The following UGT1A3 variants were observed in gnomAD, a reference collection of about 807,000 sequenced individuals.
UGT1A3 encodes the protein UDP glucuronosyltransferase family 1 member A3.
In UGT1A3, 31 loss-of-function variants were observed where a neutral mutation model predicts 41.0. The observed-to-expected ratio is 0.76, with a 90% CI of 0.57 to 1.02. The LOEUF (loss-of-function observed/expected upper bound fraction) is 1.02, where lower values mean the gene tolerates loss of function less well. UGT1A3 is among the 50% of genes least tolerant of loss of function. The pLI is 0.00. For missense variants in UGT1A3, 737 were observed against 671.0 expected, an observed-to-expected ratio of 1.10 and a Z score of -1.09; for synonymous variants, 262 against 257.6, an observed-to-expected ratio of 1.02 and a Z score of -0.17.
In UGT1A3 at chr2:233,729,551, A is replaced by C. The variant is rs749535297; in HGVS notation, c.425A>C (p.Asn142Thr). Residue 142 changes from asparagine (N) to threonine (T), a missense_variant, in exon 1 of 5, where the codon AAT becomes ACT. Transcript: ENST00000482026. ...LHNEALIRHLNATSFDVVLTD... is the reference protein window; with the variant it reads ...LHNEALIRHLTATSFDVVLTD... ...AATGAGGCCCTGATCAGGCACCTGA[A>C]TGCTACTTCCTTTGATGTGGTTTTA... The C allele has an allele frequency of 3.1e-6, 5 of 1,614,156 alleles. No homozygotes were observed. The highest frequency in any genetic ancestry group is 3.4e-6 in the Non-Finnish European group (4 of 1,180,014).
intron 1 of UGT1A3, 36 bp downstream of exon 1, chr2:233,730,029 G>A: frequency 6.2e-7 from 1 of 1,613,388 alleles, no homozygotes. Context: ...CAATGTTCCA[G>A]GCAAAACACT....
At chr2:233,744,417 G>C (rs1328403713) in intron 1 of UGT1A3, among the ~76,000 whole-genome samples, 1 of 151,850 alleles carries the variant, frequency 6.6e-6, no homozygotes, top group Non-Finnish European at 1.5e-5. Flanking sequence ...TTTTGTTCAT[G>C]TGGATTATAT....
intron 3 of UGT1A3, 123 bp downstream of exon 3, chr2:233,768,059 T>G: frequency 3.1e-6 from 5 of 1,601,374 alleles, no homozygotes; most frequent in Non-Finnish European, 4.3e-6. Flanking sequence ...CCTACATTGC[T>G]TTTTATCTAG....
rs199947040 is a variant in UGT1A3 at position 233,743,509 on chromosome 2, G to A, written c.867+13516G>A. On this transcript the variant is annotated intron_variant, in intron 1 of 4. Transcript: ENST00000482026. ...GAAGGCAGAGAAAAGGGGTGCAGAC[G>A]CTCTGCTTCTGCTTCCCCAGCAGTT... 3.6e-5 allele frequency: 49 copies of A among 1,367,172 alleles called. 1 individual carries two copies. The South Asian group carries it at 4.7e-4, about 13-fold the overall frequency. The allele number at this position is 1,367,172 out of a possible 1,614,324, so 84.7% of individuals were successfully genotyped here.
At chr2:233,762,431 A>G (rs1698072328) in intron 1 of UGT1A3, among the ~76,000 whole-genome samples, 1 of 152,242 alleles carries the variant, frequency 6.6e-6, no homozygotes, top group Non-Finnish European at 1.5e-5. Context: ...ATAGAGTAAC[A>G]GTGTATTCCC....
Position 233,768,377 on chromosome 2 carries a change from T to A in UGT1A3, c.1245T>A (p.Asn415Lys), listed in dbSNP as rs763012065. The change falls in exon 4 of 5, where the codon AAT (asparagine) becomes AAA (lysine). Residue 415 changes from asparagine (N) to lysine (K), a missense_variant. Asn to Lys is a moderately conservative substitution (Grantham distance 94). Transcript: ENST00000482026. The part of the protein sequence containing the change: ...METKGAGVTL[N>K]VLEMTSEDLE... ...CTAAGGGAGCTGGAGTGACCCTGAA[T>A]GTTCTGGAAATGACTTCTGAAGATT... 1 of 1,614,172 alleles carries A rather than the reference T, an allele frequency of 6.2e-7. No individual in the cohort carries two copies. The highest frequency in any genetic ancestry group is 8.5e-7 in the Non-Finnish European group (1 of 1,180,050).
rs944391861 is a variant in UGT1A3, at chr2:233,772,995, T to C, written c.*436T>C. ...ACCAATAATGGTCAGTCCTCATCTC[T>C]GTCGTGCTTCATAGGTGCCACCTTG... On this transcript the variant is annotated 3_prime_UTR_variant, in exon 5 of 5. Transcript: ENST00000482026. The C allele has an allele frequency of 2.4e-5, 6 of 254,024 alleles. No individual in the cohort carries two copies. The highest frequency in any genetic ancestry group is 1.4e-4 in the African/African-American group (6 of 44,320). The allele number at this position is 254,024 out of a possible 1,614,324, so 15.7% of individuals were successfully genotyped here.
intron 1 of UGT1A3, among the ~76,000 whole-genome samples, chr2:233,752,728 G>C (rs546811491): frequency 1.3e-5 from 2 of 152,320 alleles, no homozygotes; most frequent in South Asian, 4.1e-4. Flanking sequence ...AACAGCTACA[G>C]AGAGAGACCC....
At chr2:233,747,277 G>A (rs1044373750) in intron 1 of UGT1A3, 304 of 1,599,338 alleles carry the variant, frequency 1.9e-4, no homozygotes, top group Non-Finnish European at 2.4e-4. Context: ...CCTTCTCAGT[G>A]CCCAGCCCTG....
chr2:233,730,100 C>A, intron 1 of UGT1A3, 107 bp downstream of exon 1: 1 of 1,582,980 alleles, frequency 6.3e-7, no homozygotes, highest in Non-Finnish European at 8.6e-7. Flanking sequence ...CCAAATATTT[C>A]ATTTCTGCTT....
chr2:233,757,537 T>TATATATACATATACATATAC (rs1472416448), intron 1 of UGT1A3, among the ~76,000 whole-genome samples: 1 of 107,778 alleles, frequency 9.3e-6, no homozygotes, highest in African/African-American at 4.7e-5. Flanking sequence ...CTGTAAGGAA[T>TATATATACATATACATATAC]ATATATATAT....
chr2:233,734,795 T>G (rs1470883191), intron 1 of UGT1A3, among the ~76,000 whole-genome samples: 1 of 152,214 alleles, frequency 6.6e-6, no homozygotes, highest in Non-Finnish European at 1.5e-5. Context: ...CAGGAGCAGG[T>G]TGTTCAGTTT....
chr2:233,743,403 G>A (rs1209113802), intron 1 of UGT1A3: 4 of 1,297,134 alleles, frequency 3.1e-6, no homozygotes, highest in South Asian at 1.2e-5. Flanking sequence ...AGGAAGAAAG[G>A]CCCCCACTTC....
intron 1 of UGT1A3, chr2:233,761,211 C>G (rs35802766): frequency 6.2e-7 from 1 of 1,613,738 alleles, no homozygotes; most frequent in East Asian, 2.2e-5. Flanking sequence ...TACTTTGGAT[C>G]GATTAACTAG....
intron 1 of UGT1A3, among the ~76,000 whole-genome samples, chr2:233,738,129 C>A (rs546300449): frequency 1.3e-3 from 203 of 152,182 alleles, no homozygotes; most frequent in African/African-American, 4.7e-3. Flanking sequence ...TATAAGGGGC[C>A]CTTATCCCTT....
chr2:233,733,332 C>T (rs1191516826), intron 1 of UGT1A3, among the ~76,000 whole-genome samples: 5 of 152,198 alleles, frequency 3.3e-5, no homozygotes, highest in East Asian at 1.9e-4. Context: ...CTGGCCAGAA[C>T]TTCCAACAGT....
At position 233,729,803 on chromosome 2, in the gene UGT1A3, C is replaced by T; in HGVS notation, c.677C>T (p.Ala226Val). The change falls in exon 1 of 5, where the codon GCT (alanine) becomes GTT (valine). Residue 226 changes from alanine (A) to valine (V), a missense_variant. Transcript: ENST00000482026. ...YPLALSYICH[A>V]FSAPYASLAS... ...CTGGCCCTGTCCTACATTTGCCATG[C>T]TTTTTCTGCTCCTTATGCAAGCCTT... is the stretch of plus-strand genomic sequence containing the variant. 4 of 1,613,928 alleles carry T rather than the reference C, an allele frequency of 2.5e-6. No homozygotes were observed. Among genetic ancestry groups the T allele is most frequent in the Non-Finnish European group, 3.4e-6 (4 of 1,179,860 alleles).
chr2:233,767,203 C>T, intron 2 of UGT1A3, 38 bp downstream of exon 2: 1 of 1,613,332 alleles, frequency 6.2e-7, no homozygotes, highest in African/African-American at 1.3e-5. Flanking sequence ...TATCTATTTT[C>T]ACAGGAGCGC....
intron 1 of UGT1A3, among the ~76,000 whole-genome samples, chr2:233,749,165 T>C (rs1694132645): frequency 6.6e-6 from 1 of 151,910 alleles, no homozygotes; most frequent in Non-Finnish European, 1.5e-5. Flanking sequence ...TCCTTTTGTA[T>C]TTTTATTTCT....
Sources: gnomAD v4.1 joint callset for allele counts (sites outside exome capture counted in the v4.1 genomes callset) on GRCh38, gnomAD v4.1.1 for gene constraint, MANE v1.5 for transcripts, NCBI Gene and HGNC (gene_info 2026-07-23, HGNC 2026-07-21) for gene names.